Variants in MVP observed in about 807,000 individuals in gnomAD.
MVP encodes the protein major vault protein.
MVP carries 62 observed loss-of-function variants against 83.5 expected under a neutral mutation model. That is an observed-to-expected ratio of 0.74 (90% confidence interval 0.61 to 0.92). The LOEUF (loss-of-function observed/expected upper bound fraction) is 0.92. Among genes scored for constraint, MVP ranks in the 40% least tolerant of loss-of-function variants. The pLI is 0.00. For missense variants in MVP, 1,000 were observed against 1,203.4 expected, an observed-to-expected ratio of 0.83 and a Z score of 2.50; for synonymous variants, 505 against 504.1, an observed-to-expected ratio of 1.00 and a Z score of -0.02.
intron 7 of MVP, among the ~76,000 whole-genome samples, chr16:29,839,810 G>GAAA: frequency 7.6e-6 from 1 of 131,096 alleles, no homozygotes; most frequent in Non-Finnish European, 1.6e-5. Context: ...AAAAAAAAAG[G>GAAA]CAGAATCCAG....
chr16:29,836,588 A>C (rs1046516268), intron 6 of MVP, 134 bp from the exon 7 acceptor site: 34 of 779,506 alleles, frequency 4.4e-5, no homozygotes, highest in African/African-American at 2.3e-4. Flanking sequence ...AAAAAAAAAA[A>C]AAAACAATCC....
intron 1 of MVP, among the ~76,000 whole-genome samples, chr16:29,827,287 A>G (rs1171622715): frequency 6.6e-6 from 1 of 152,204 alleles, no homozygotes; most frequent in Non-Finnish European, 1.5e-5. Flanking sequence ...GCAGCAGAAT[A>G]ACCTCCCTGT....
In MVP at chr16:29,840,294, G is replaced by A. The variant is rs200010126; in HGVS notation, c.1026G>A (p.Glu342=). ...TGAGGGCCCTGCAGCCCCTGGAGGA[G>A]GGGGAGGATGAGGAGAAGGTCTCAC... The part of the protein sequence containing the change: ...LLLRALQPLE[E]GEDEEKVSHQ... The change falls in exon 8 of 15, where the codon GAG becomes GAA. Residue 342 remains glutamate (E), a synonymous_variant. Transcript: ENST00000357402. The A allele has an allele frequency of 1.2e-6, 2 of 1,613,464 alleles. No homozygotes were observed. The highest frequency in any genetic ancestry group is 2.2e-5 in the East Asian group (1 of 44,886).
rs1163429572 is a variant in MVP at position 29,842,036 on chromosome 16, C to A, written c.1558C>A (p.Pro520Thr). Residue 520 changes from proline to threonine, a missense_variant, in exon 10 of 15, where the codon CCT (proline) becomes ACT (threonine). Physicochemically the swap from Pro to Thr is conservative, Grantham distance 38 (BLOSUM62 -1). Transcript: ENST00000357402. ...ARRALCLLLG[P>T]DFFTDVITIE... ...CCGTGCGCTCTGCCTGCTGCTGGGG[C>A]CTGACTTCTTCACAGACGTCATCAC... 6.2e-7 allele frequency: 1 copy of A among 1,610,900 alleles called. No homozygotes were observed. Among genetic ancestry groups the A allele is most frequent in the Non-Finnish European group, 8.5e-7 (1 of 1,179,966 alleles).
intron 3 of MVP, among the ~76,000 whole-genome samples, chr16:29,832,391 A>G (rs760474528): frequency 7.4e-6 from 1 of 134,524 alleles, no homozygotes; most frequent in South Asian, 2.3e-4. Flanking sequence ...TCTGCCTCCC[A>G]GGTTCACGCA....
chr16:29,830,484 T>C (rs1207624893), intron 1 of MVP, 31 bp from the exon 2 acceptor site: 3 of 1,582,018 alleles, frequency 1.9e-6, no homozygotes, highest in East Asian at 2.2e-5. Flanking sequence ...GCTCCCCAGG[T>C]TCATCCTGTG....
At chr16:29,837,298 C>T (rs935789764) in intron 7 of MVP, among the ~76,000 whole-genome samples, 1 of 152,214 alleles carries the variant, frequency 6.6e-6, no homozygotes, top group African/African-American at 2.4e-5. Flanking sequence ...AAAGAGTGCA[C>T]TTATGCAAAC....
intron 1 of MVP, chr16:29,821,089 C>G (rs2067355368): frequency 6.6e-6 from 1 of 152,216 alleles, no homozygotes; most frequent in Non-Finnish European, 1.5e-5. Context: ...AGGTTCTTTC[C>G]TTTTTGGGAG....
rs369138209 is a variant in MVP, at chr16:29,830,899, C to A, written c.147C>A (p.Arg49=). The A allele has an allele frequency of 5.0e-6, 8 of 1,613,124 alleles. No homozygotes were observed. The highest frequency in any genetic ancestry group is 6.8e-6 in the Non-Finnish European group (8 of 1,179,246). Reference sequence around the variant, plus strand: ...GCAGGGTACTGTTTGCCCCCATGCGCATGGTGACCGTCCCCCCACGTCACT... The same window carrying A: ...GCAGGGTACTGTTTGCCCCCATGCGAATGGTGACCGTCCCCCCACGTCACT... ...DNERVLFAPM[R]MVTVPPRHYC... The change falls in exon 3 of 15, where the codon CGC becomes CGA. Residue 49 remains arginine, a synonymous_variant. Coordinates refer to ENST00000357402, the MANE Select transcript of MVP (RefSeq NM_005115.5).
Position 29,841,427 on chromosome 16 carries a change from T to C in MVP, c.1192-169T>C, listed in dbSNP as rs1298654833. 1.3e-5 allele frequency among the ~76,000 whole-genome samples: 2 copies of C among 152,134 alleles called. No homozygotes were observed. The highest frequency in any genetic ancestry group is 4.8e-5 in the African/African-American group (2 of 41,434). The stretch of plus-strand genomic sequence containing the variant: ...AAGGGGTGAGGTAGTTAGCCCACGA[T>C]GACAGGGCCAGCAGATGGCAAACCC... On this transcript the variant is annotated intron_variant, in intron 8 of 14. Transcript: ENST00000357402. The surrounding 1 kb of genome is among the most constrained non-coding windows in gnomAD (Gnocchi z 4.7).
In MVP at chr16:29,847,245, T is replaced by C; in HGVS notation, c.2314T>C (p.Tyr772His). The change falls in exon 14 of 15, where the codon TAT becomes CAT. Residue 772 changes from tyrosine to histidine, a missense_variant. Tyr to His is a moderately conservative substitution (Grantham distance 83). Transcript: ENST00000357402. ...GAAGGTCCGAGAGCTGGAACTGGTC[T>C]ATGCCCGGGCCCAGCTGGAGCTGGA... The part of the protein sequence containing the change: ...VQKVRELELV[Y>H]ARAQLELEVS... The C allele has an allele frequency of 6.2e-7, 1 of 1,613,744 alleles. No individual in the cohort carries two copies. The highest frequency in any genetic ancestry group is 8.5e-7 in the Non-Finnish European group (1 of 1,179,988).
intron 12 of MVP, 71 bp downstream of exon 12, chr16:29,846,050 A>C (rs1461161423): frequency 3.7e-6 from 6 of 1,610,328 alleles, no homozygotes; most frequent in Non-Finnish European, 5.1e-6. Context: ...TGTGGGCAGC[A>C]GGCCTGGGTG....
At chr16:29,844,415 A>G (rs893369770) in intron 10 of MVP, 78 bp from the exon 11 acceptor site, 10 of 1,496,640 alleles carry the variant, frequency 6.7e-6, no homozygotes, top group Non-Finnish European at 8.9e-6. Context: ...CCTGGGCAAC[A>G]TGGCAAGACC....
intron 12 of MVP, 77 bp downstream of exon 12, chr16:29,846,056 G>A: frequency 6.2e-7 from 1 of 1,609,952 alleles, no homozygotes; most frequent in South Asian, 1.1e-5. Context: ...CAGCAGGCCT[G>A]GGTGGGGTGT....
chr16:29,845,362 C>A (rs1373028649), intron 11 of MVP, among the ~76,000 whole-genome samples: 1 of 152,008 alleles, frequency 6.6e-6, no homozygotes, highest in Non-Finnish European at 1.5e-5. Flanking sequence ...TTCCAGCTGA[C>A]ATGTTCCAGC....
intron 10 of MVP, among the ~76,000 whole-genome samples, chr16:29,844,124 C>T (rs2067560542): frequency 6.6e-6 from 1 of 152,216 alleles, no homozygotes; most frequent in African/African-American, 2.4e-5. Flanking sequence ...CACTTGACTT[C>T]CCTGGACCTC....
At position 29,841,475 on chromosome 16, in the gene MVP, T is replaced by A; in HGVS notation, c.1192-121T>A. The A allele has an allele frequency of 7.7e-7, 1 of 1,305,724 alleles. No individual in the cohort carries two copies. Among genetic ancestry groups the A allele is most frequent in the South Asian group, 1.6e-5 (1 of 63,988 alleles). The allele number at this position is 1,305,724 out of a possible 1,614,324, so 80.9% of individuals were successfully genotyped here. A position where few individuals can be genotyped will look rare whatever the true frequency, so the allele number is the denominator to read the frequency against. On this transcript the variant is annotated intron_variant, in intron 8 of 14. Transcript: ENST00000357402. The surrounding 1 kb of genome is among the most constrained non-coding windows in gnomAD (Gnocchi z 4.7). ...CCCGGGGTGGAGCCTGGCCTCCCCG[T>A]AGAGAAGGTGTTTAACCTCGTGGCG...
intron 11 of MVP, 29 bp downstream of exon 11, chr16:29,844,908 A>AAT: frequency 6.3e-7 from 1 of 1,578,902 alleles, no homozygotes; most frequent in Non-Finnish European, 8.6e-7. Context: ...TCGGCTGCCT[A>AAT]TAATGCCCAT....
chr16:29,831,471 G>A (rs1248047569), intron 3 of MVP, among the ~76,000 whole-genome samples: 3 of 151,910 alleles, frequency 2.0e-5, no homozygotes, highest in South Asian at 4.2e-4. Context: ...AGTTCTAAAG[G>A]GAAAACAAAC....
Sources: allele counts gnomAD v4.1 joint callset (sites outside exome capture counted in the v4.1 genomes callset), GRCh38; gene constraint gnomAD v4.1.1; non-coding constraint Gnocchi (gnomAD v3.1); transcripts MANE v1.5; gene names NCBI Gene and HGNC (gene_info 2026-07-23, HGNC 2026-07-21).